The following HS6ST3 variants were observed in gnomAD, a reference collection of about 807,000 sequenced individuals.
HS6ST3 encodes heparan sulfate 6-O-sulfotransferase 3.
In HS6ST3, 12 loss-of-function variants were observed where a neutral mutation model predicts 36.7. That is an observed-to-expected ratio of 0.33 (90% confidence interval 0.21 to 0.53). The LOEUF (loss-of-function observed/expected upper bound fraction) is 0.53. Ranked by LOEUF, HS6ST3 falls within the 20% of genes least tolerant of loss-of-function variation. HS6ST3 has a pLI of 0.95. For missense variants in HS6ST3, 584 were observed against 640.9 expected (o/e 0.91, Z 0.96); for synonymous variants, 240 against 257.5 (o/e 0.93, Z 0.65).
intron 1 of HS6ST3, among the ~76,000 whole-genome samples, chr13:96,566,140 G>T (rs1156729419): frequency 6.6e-6 from 1 of 151,092 alleles, no homozygotes; most frequent in Non-Finnish European, 1.5e-5. Flanking sequence ...GAATGGGAGA[G>T]AAAATTAAAG....
intron 1 of HS6ST3, among the ~76,000 whole-genome samples, chr13:96,325,231 T>C (rs769187366): frequency 6.6e-6 from 1 of 152,204 alleles, no homozygotes; most frequent in East Asian, 1.9e-4. Context: ...TTTTGATAAG[T>C]ATTTCTTTTG....
chr13:96,232,726 A>G (rs1489995927), intron 1 of HS6ST3, among the ~76,000 whole-genome samples: 1 of 152,200 alleles, frequency 6.6e-6, no homozygotes, highest in African/African-American at 2.4e-5. Flanking sequence ...CAGTAGGAAG[A>G]TGAACATGGG....
intron 1 of HS6ST3, among the ~76,000 whole-genome samples, chr13:96,560,529 T>C (rs1296220305): frequency 6.6e-6 from 1 of 152,082 alleles, no homozygotes; most frequent in East Asian, 1.9e-4. Flanking sequence ...GCCAGAGGAA[T>C]CAGGCAAGAG....
intron 1 of HS6ST3, among the ~76,000 whole-genome samples, chr13:96,693,097 A>T (rs1875013027): frequency 6.6e-6 from 1 of 151,854 alleles, no homozygotes; most frequent in South Asian, 2.1e-4. Flanking sequence ...AATAATACTC[A>T]CCCTTCTTCT....
chr13:96,288,338 C>A (rs1213459859), intron 1 of HS6ST3, among the ~76,000 whole-genome samples: 2 of 152,028 alleles, frequency 1.3e-5, no homozygotes, highest in African/African-American at 4.8e-5. Flanking sequence ...AGATAGATTT[C>A]TTATAATATA....
intron 1 of HS6ST3, among the ~76,000 whole-genome samples, chr13:96,301,105 A>T (rs1171704806): frequency 3.3e-5 from 5 of 152,214 alleles, no homozygotes; most frequent in Non-Finnish European, 5.9e-5. Context: ...GCAAACCAAG[A>T]TGTATGGTCA....
At chr13:96,413,982 A>T (rs550284342) in intron 1 of HS6ST3, among the ~76,000 whole-genome samples, 1 of 152,350 alleles carries the variant, frequency 6.6e-6, no homozygotes, top group East Asian at 1.9e-4. Context: ...CAAGCAACAA[A>T]GTGTTACATA....
intron 1 of HS6ST3, among the ~76,000 whole-genome samples, chr13:96,733,483 G>T (rs1272329689): frequency 6.6e-6 from 1 of 152,136 alleles, no homozygotes; most frequent in African/African-American, 2.4e-5. Flanking sequence ...GTCATTTTAA[G>T]TACTTAAGGA....
intron 1 of HS6ST3, among the ~76,000 whole-genome samples, chr13:96,360,687 C>T (rs866578319): frequency 9.9e-5 from 15 of 151,006 alleles, no homozygotes; most frequent in Non-Finnish European, 1.2e-4. Context: ...GGCTCAACGC[C>T]TGTAATCCCA....
intron 1 of HS6ST3, among the ~76,000 whole-genome samples, chr13:96,738,274 A>G (rs772778376): frequency 8.5e-5 from 13 of 152,214 alleles, no homozygotes; most frequent in Non-Finnish European, 1.6e-4. Flanking sequence ...TAAGATAACA[A>G]TTGCACTTTT....
intron 1 of HS6ST3, among the ~76,000 whole-genome samples, chr13:96,709,955 G>A (rs1875520636): frequency 6.6e-6 from 1 of 152,184 alleles, no homozygotes; most frequent in Non-Finnish European, 1.5e-5. Context: ...AGAAACCCAT[G>A]CACAATTCAA....
intron 1 of HS6ST3, among the ~76,000 whole-genome samples, chr13:96,187,069 G>A (rs1487907591): frequency 6.6e-6 from 1 of 152,184 alleles, no homozygotes; most frequent in Non-Finnish European, 1.5e-5. Context: ...GTCCAGTACT[G>A]TTGCCACAAC....
At chr13:96,597,082 G>T (rs2056404358) in intron 1 of HS6ST3, among the ~76,000 whole-genome samples, 1 of 152,068 alleles carries the variant, frequency 6.6e-6, no homozygotes, top group African/African-American at 2.4e-5. Context: ...GCAAACTAAT[G>T]CAGGAACAGA....
chr13:96,465,254 C>G (rs2055806468), intron 1 of HS6ST3, among the ~76,000 whole-genome samples: 1 of 152,096 alleles, frequency 6.6e-6, no homozygotes, highest in Admixed American at 6.6e-5. Flanking sequence ...TAAGTGGAAT[C>G]CCCAGAGAAC....
At chr13:96,494,110 G>T (rs951975072) in intron 1 of HS6ST3, among the ~76,000 whole-genome samples, 2 of 151,656 alleles carry the variant, frequency 1.3e-5, no homozygotes, top group Non-Finnish European at 2.9e-5. Flanking sequence ...CCTTTTGGCT[G>T]CATAAATGTC....
At chr13:96,437,993 G>T (rs2055651508) in intron 1 of HS6ST3, among the ~76,000 whole-genome samples, 1 of 152,166 alleles carries the variant, frequency 6.6e-6, no homozygotes. Flanking sequence ...ACCTGTATTA[G>T]GAAGGAGTAA....
At chr13:96,618,779 A>G (rs2056483627) in intron 1 of HS6ST3, among the ~76,000 whole-genome samples, 1 of 152,310 alleles carries the variant, frequency 6.6e-6, no homozygotes, top group African/African-American at 2.4e-5. Flanking sequence ...TGAACTGTAT[A>G]CTAGAACAAC....
chr13:96,211,554 A>G (rs553322011), intron 1 of HS6ST3, among the ~76,000 whole-genome samples: 1 of 152,374 alleles, frequency 6.6e-6, no homozygotes, highest in African/African-American at 2.4e-5. Context: ...GCTGTGTATT[A>G]TCTAAATGTC....
At chr13:96,437,516 G>A (rs2055649078) in intron 1 of HS6ST3, among the ~76,000 whole-genome samples, 1 of 152,208 alleles carries the variant, frequency 6.6e-6, no homozygotes, top group South Asian at 2.1e-4. Flanking sequence ...AGCAGGGCTA[G>A]TGTACCACTG....
Sources: gnomAD v4.1 joint callset for allele counts (sites outside exome capture counted in the v4.1 genomes callset) on GRCh38, gnomAD v4.1.1 for gene constraint, MANE v1.5 for transcripts, NCBI Gene and HGNC (gene_info 2026-07-23, HGNC 2026-07-21) for gene names.